Variants in DBX2 observed in about 807,000 individuals in gnomAD.
The protein encoded by DBX2 is developing brain homeobox 2.
Under a neutral mutation model 17.7 loss-of-function variants are expected in DBX2, and 16 were observed. That is an observed-to-expected ratio of 0.90 (90% CI 0.61 to 1.37). DBX2 has a LOEUF of 1.37. Ranked by LOEUF, DBX2 falls within the 40% of genes most tolerant of loss-of-function variation. The probability of loss-of-function intolerance (pLI) is 0.00; values close to 1 mark genes in which losing one functional copy is unlikely to be tolerated. For missense variants in DBX2, 538 were observed against 433.8 expected (o/e 1.24, Z -2.13); for synonymous variants, 255 against 183.8 (o/e 1.39, Z -3.13).
At chr12:45,029,612 C>T (rs906941447) in intron 2 of DBX2, among the ~76,000 whole-genome samples, 2 of 152,114 alleles carry the variant, frequency 1.3e-5, no homozygotes, top group Non-Finnish European at 2.9e-5. Context: ...TGCCTGTAAT[C>T]CCAGCACTTT....
At chr12:45,047,705 A>G (rs1341790497) in intron 1 of DBX2, among the ~76,000 whole-genome samples, 2 of 152,118 alleles carry the variant, frequency 1.3e-5, no homozygotes, top group Admixed American at 6.5e-5. Context: ...TTGTGATACT[A>G]TGTAATTGGT....
rs75767048 is a variant in DBX2 at position 45,029,189 on chromosome 12, T to G, written c.500-5295A>C. ...TAAATAATATAAAAAGAAACAGATA[T>G]GGAGAATAAGGCATGTAGCAGAAAT... On this transcript the variant is annotated intron_variant, in intron 2 of 3. Transcript: ENST00000332700. Among the ~76,000 whole-genome samples, 12 of 152,270 alleles carry G rather than the reference T, an allele frequency of 7.9e-5. No individual in the cohort carries two copies. In the East Asian group the frequency reaches 1.5e-3, roughly 20 times the overall value.
intron 2 of DBX2, among the ~76,000 whole-genome samples, chr12:45,030,514 G>C (rs1946403864): frequency 6.6e-6 from 1 of 152,154 alleles, no homozygotes; most frequent in Non-Finnish European, 1.5e-5. Context: ...TGCATGTCCA[G>C]TGCTACTCTT....
chr12:45,033,385 C>A (rs111990577), intron 2 of DBX2, among the ~76,000 whole-genome samples: 1 of 152,054 alleles, frequency 6.6e-6, no homozygotes, highest in Non-Finnish European at 1.5e-5. Flanking sequence ...TTTATTTGGA[C>A]AGTACATTTT....
chr12:45,019,320 A>C (rs1314683617), intron 3 of DBX2, among the ~76,000 whole-genome samples: 2 of 152,094 alleles, frequency 1.3e-5, no homozygotes, highest in African/African-American at 2.4e-5. Context: ...TGCAGCCATG[A>C]AAAGGCCAAT....
intron 2 of DBX2, among the ~76,000 whole-genome samples, chr12:45,034,444 A>G (rs760148764): frequency 1.3e-5 from 2 of 152,202 alleles, no homozygotes; most frequent in African/African-American, 2.4e-5. Flanking sequence ...AGAGTTTTCA[A>G]TTGCCCTCAC....
At chr12:45,038,425 T>C (rs1946451806) in intron 1 of DBX2, among the ~76,000 whole-genome samples, 1 of 151,708 alleles carries the variant, frequency 6.6e-6, no homozygotes, top group African/African-American at 2.4e-5. Flanking sequence ...TTTGGTTTTG[T>C]TTTTTGCTTA....
At chr12:45,028,785 G>A (rs1386812400) in intron 2 of DBX2, among the ~76,000 whole-genome samples, 1 of 152,054 alleles carries the variant, frequency 6.6e-6, no homozygotes, top group East Asian at 1.9e-4. Flanking sequence ...CAATAGACAA[G>A]CAAAAAAATA....
At chr12:45,027,566 G>A (rs541176804) in intron 2 of DBX2, among the ~76,000 whole-genome samples, 1 of 152,238 alleles carries the variant, frequency 6.6e-6, no homozygotes, top group South Asian at 2.1e-4. Context: ...AGATGAGGAC[G>A]ATGAAGATTA....
rs527438661 is a variant in DBX2 at position 45,050,976 on chromosome 12, C to T, written c.-49G>A. 5.2e-5 allele frequency: 70 copies of T among 1,353,688 alleles called. No individual in the cohort carries two copies. The South Asian group carries it at 1.2e-3, about 23-fold the overall frequency. 83.9% of individuals were successfully genotyped at this position (1,353,688 alleles called of 1,614,324 possible). On this transcript the variant is annotated 5_prime_UTR_variant, in exon 1 of 4. Transcript: ENST00000332700. ...GCGCGCCCGCCTTGCGCCCGCCTGT[C>T]GCCCGGGCGCCCCGCACCGCACCCA...
chr12:45,046,506 C>G (rs998145450), intron 1 of DBX2, among the ~76,000 whole-genome samples: 1 of 152,124 alleles, frequency 6.6e-6, no homozygotes, highest in Non-Finnish European at 1.5e-5. Context: ...ATAGTGTCAG[C>G]AACAGAAAGC....
At chr12:45,025,438 A>G (rs950109085) in intron 2 of DBX2, among the ~76,000 whole-genome samples, 5 of 152,138 alleles carry the variant, frequency 3.3e-5, no homozygotes, top group Non-Finnish European at 5.9e-5. Context: ...TCTGACCTCT[A>G]TAACTATAAA....
At position 45,015,343 on chromosome 12, in the gene DBX2, A is replaced by ACT. The variant is rs1166790528; in HGVS notation, c.*942_*943insAG. ...ATTGTGGTTTTAAGTCCAGTTAGAA[A>ACT]AATTTTAAGAACTGTGACACCACGG... On this transcript the variant is annotated 3_prime_UTR_variant, in exon 4 of 4. Coordinates refer to ENST00000332700, the MANE Select transcript of DBX2 (RefSeq NM_001004329.3). 2.6e-5 allele frequency: 4 copies of ACT among 152,330 alleles called. No homozygotes were observed. The highest frequency in any genetic ancestry group is 4.4e-5 in the Non-Finnish European group (3 of 68,022). The allele number at this position is 152,330 out of a possible 1,614,324, so 9.4% of individuals were successfully genotyped here.
At chr12:45,050,048 CCATCCT>C (rs1458346418) in intron 1 of DBX2, among the ~76,000 whole-genome samples, 2 of 152,074 alleles carry the variant, frequency 1.3e-5, no homozygotes, top group African/African-American at 4.8e-5. Flanking sequence ...GCTACCCCGA[CCATCCT>C]AACAGTTTCA....
At chr12:45,030,155 C>T (rs188110049) in intron 2 of DBX2, among the ~76,000 whole-genome samples, 4 of 152,248 alleles carry the variant, frequency 2.6e-5, no homozygotes, top group East Asian at 3.9e-4. Flanking sequence ...TGATCATCAT[C>T]GCCTCTCCCT....
At chr12:45,035,252 GTT>G (rs925093062) in intron 2 of DBX2, among the ~76,000 whole-genome samples, 6 of 152,312 alleles carry the variant, frequency 3.9e-5, no homozygotes, top group Admixed American at 2.6e-4. Flanking sequence ...CTGAGTAAGT[GTT>G]TTCTCTTGGG....
rs1946526524 is a variant in DBX2 at position 45,050,662 on chromosome 12, G to C, written c.266C>G (p.Ala89Gly). 1.9e-6 allele frequency: 3 copies of C among 1,548,788 alleles called. No homozygotes were observed. Among genetic ancestry groups the C allele is most frequent in the Non-Finnish European group, 2.6e-6 (3 of 1,146,524 alleles). Residue 89 changes from alanine (A) to glycine (G), a missense_variant, in exon 1 of 4, where the codon GCC becomes GGC. Transcript: ENST00000332700. Reference sequence around the variant, plus strand: ...CGCCCCGGCGGGGCTAACTTGTTCGGCTGCGGGGCACAGCTTTAGGGGAAC... The same window carrying C: ...CGCCCCGGCGGGGCTAACTTGTTCGCCTGCGGGGCACAGCTTTAGGGGAAC... ...SPVPLKLCPA[A>G]EQVSPAGAPY...
In DBX2 at chr12:45,050,856, G is replaced by A. The variant is rs111512451; in HGVS notation, c.72C>T (p.Asn24=). Residue 24 remains asparagine (N), a synonymous_variant, in exon 1 of 4, where the codon AAC becomes AAT. Transcript: ENST00000332700. ...TGCCAAAGCCGGGCGCAGCGGGGAGGTTGAGGAGCGCGGAGGAAGCCACAA... is the reference window on the plus strand; with the variant it reads ...TGCCAAAGCCGGGCGCAGCGGGGAGATTGAGGAGCGCGGAGGAAGCCACAA... The part of the protein sequence containing the change: ...WDVVASSALL[N]LPAAPGFGNL... The A allele has an allele frequency of 9.3e-4, 1,430 of 1,538,026 alleles. 15 individuals are homozygous for A. In the African/African-American group the frequency reaches 0.018, roughly 19 times the overall value.
intron 1 of DBX2, among the ~76,000 whole-genome samples, chr12:45,049,442 G>T (rs1380408094): frequency 6.6e-6 from 1 of 152,144 alleles, no homozygotes; most frequent in African/African-American, 2.4e-5. Context: ...AATGAGACCG[G>T]TGTTCATATA....
Sources: gnomAD v4.1 joint callset for allele counts (sites outside exome capture counted in the v4.1 genomes callset) on GRCh38, gnomAD v4.1.1 for gene constraint, MANE v1.5 for transcripts, NCBI Gene and HGNC (gene_info 2026-07-23, HGNC 2026-07-21) for gene names.